The following ST3GAL3 variants were observed in gnomAD, a reference collection of about 807,000 sequenced individuals.
ST3GAL3 encodes the protein CMP-N-acetylneuraminate-beta-1,4-galactoside alpha-2,3-sialyltransferase.
A neutral mutation model predicts 50.1 loss-of-function variants in ST3GAL3; 21 were observed. That is an observed-to-expected ratio of 0.42 (90% confidence interval 0.30 to 0.60). The LOEUF is 0.60. ST3GAL3 is among the 20% of genes least tolerant of loss of function. The pLI, the probability that ST3GAL3 is intolerant of heterozygous loss-of-function variation, is 0.19. For synonymous variants in ST3GAL3, 183 were observed against 190.0 expected, an observed-to-expected ratio of 0.96 and a Z score of 0.30; for missense variants, 353 against 489.4, an observed-to-expected ratio of 0.72 and a Z score of 2.63.
chr1:43,715,976 ACC>A, intron 1 of ST3GAL3, among the ~76,000 whole-genome samples: 1 of 152,182 alleles, frequency 6.6e-6, no homozygotes, highest in Non-Finnish European at 1.5e-5. Flanking sequence ...GGTCTTGGGG[ACC>A]CTTGAGGGTC....
intron 5 of ST3GAL3, among the ~76,000 whole-genome samples, chr1:43,855,887 T>C (rs1460423473): frequency 6.6e-6 from 1 of 151,914 alleles, no homozygotes; most frequent in African/African-American, 2.4e-5. Flanking sequence ...CATAAACAGG[T>C]ATACTAACGA....
intron 11 of ST3GAL3, 150 bp downstream of exon 11, chr1:43,921,078 G>A (rs2082950308): frequency 2.2e-6 from 2 of 919,226 alleles, no homozygotes; most frequent in South Asian, 1.6e-5. Context: ...CCTCTCCACA[G>A]CCTCCCACTG....
chr1:43,832,939 T>C (rs921651434), intron 4 of ST3GAL3, among the ~76,000 whole-genome samples: 4 of 152,176 alleles, frequency 2.6e-5, no homozygotes, highest in African/African-American at 9.7e-5. Flanking sequence ...CATGTCCCCC[T>C]AGCATGGTAA....
In ST3GAL3 at chr1:43,748,888, A is replaced by G. The variant is rs112102009; in HGVS notation, c.118+12508A>G. 5.3e-3 allele frequency among the ~76,000 whole-genome samples: 806 copies of G among 152,202 alleles called. 16 individuals are homozygous for G. Among genetic ancestry groups the G allele is most frequent in the African/African-American group, 0.018 (750 of 41,540 alleles). On this transcript the variant is annotated intron_variant, in intron 2 of 11. Transcript: ENST00000347631. ...TTCAGCAGGCTTAAAAAAAGAAATCAATAGCTGATTCTAAAATTTATATGA... is the reference window on the plus strand; with the variant it reads ...TTCAGCAGGCTTAAAAAAAGAAATCGATAGCTGATTCTAAAATTTATATGA...
chr1:43,849,658 A>C (rs1156410158), intron 5 of ST3GAL3, among the ~76,000 whole-genome samples: 2 of 152,178 alleles, frequency 1.3e-5, no homozygotes, highest in African/African-American at 4.8e-5. Context: ...AGCCTGGTTG[A>C]TTCTCACACC....
At chr1:43,796,510 C>T (rs1445484186) in intron 3 of ST3GAL3, among the ~76,000 whole-genome samples, 8 of 152,196 alleles carry the variant, frequency 5.3e-5, no homozygotes, top group Admixed American at 5.2e-4. Flanking sequence ...ACTGGATGCA[C>T]ACACAGAGGA....
chr1:43,829,015 G>A (rs541786198), intron 4 of ST3GAL3, among the ~76,000 whole-genome samples: 1 of 152,140 alleles, frequency 6.6e-6, no homozygotes, highest in South Asian at 2.1e-4. Flanking sequence ...GCATCAAGAT[G>A]TCCTTTAGTA....
chr1:43,818,840 G>A (rs531140060), intron 4 of ST3GAL3, among the ~76,000 whole-genome samples: 1 of 150,900 alleles, frequency 6.6e-6, no homozygotes, highest in Non-Finnish European at 1.5e-5. Flanking sequence ...GGGGTTAGCA[G>A]CAGATTAGAT....
chr1:43,917,620 TATTATATATAATATATA>T (rs1190314320), intron 9 of ST3GAL3, among the ~76,000 whole-genome samples: 4 of 74,646 alleles, frequency 5.4e-5, no homozygotes, highest in African/African-American at 2.2e-4. Flanking sequence ...TTATATATTA[TATTATATATAATATATA>T]ATATAATATA....
In ST3GAL3 at chr1:43,791,560, C is replaced by T. The variant is rs537715954; in HGVS notation, c.119-542C>T. 4.6e-5 allele frequency among the ~76,000 whole-genome samples: 7 copies of T among 152,320 alleles called. No individual in the cohort carries two copies. In the South Asian group the frequency reaches 1.4e-3, roughly 32 times the overall value. On this transcript the variant is annotated intron_variant, in intron 2 of 11. Coordinates refer to ENST00000347631, the MANE Select transcript of ST3GAL3 (RefSeq NM_006279.5). ...TGTTTGCGTAGGTACTCATGGCATG[C>T]ATTTTGTGCACTAACATTTCCCCAA...
At chr1:43,873,517 G>A (rs2073443543) in intron 5 of ST3GAL3, among the ~76,000 whole-genome samples, 1 of 152,138 alleles carries the variant, frequency 6.6e-6, no homozygotes, top group Non-Finnish European at 1.5e-5. Flanking sequence ...AGGTGTGGTG[G>A]TTCACACCTG....
chr1:43,898,645 A>C (rs998766069), intron 7 of ST3GAL3, among the ~76,000 whole-genome samples: 1 of 152,174 alleles, frequency 6.6e-6, no homozygotes. Flanking sequence ...AGGCAGTGAC[A>C]GCTCCCAAAC....
At chr1:43,804,132 T>C (rs998436610) in intron 3 of ST3GAL3, among the ~76,000 whole-genome samples, 9 of 152,204 alleles carry the variant, frequency 5.9e-5, no homozygotes, top group African/African-American at 2.2e-4. Context: ...AGACCCAGAC[T>C]TTCATGCCAC....
chr1:43,929,236 C>T (rs997075088), intron 11 of ST3GAL3, among the ~76,000 whole-genome samples: 2 of 152,114 alleles, frequency 1.3e-5, no homozygotes, highest in African/African-American at 4.8e-5. Context: ...ACAATGTATA[C>T]ATCTATCAAA....
At chr1:43,799,210 C>T (rs2059047013) in intron 3 of ST3GAL3, among the ~76,000 whole-genome samples, 1 of 152,122 alleles carries the variant, frequency 6.6e-6, no homozygotes, top group Non-Finnish European at 1.5e-5. Flanking sequence ...TCAAATGGTT[C>T]TTACTTCATT....
At chr1:43,927,431 A>T (rs1428154478) in intron 11 of ST3GAL3, among the ~76,000 whole-genome samples, 1 of 152,232 alleles carries the variant, frequency 6.6e-6, no homozygotes, top group African/African-American at 2.4e-5. Flanking sequence ...TAATTCCTTA[A>T]TATCATCAAA....
chr1:43,774,218 A>G (rs1237189757), intron 2 of ST3GAL3, among the ~76,000 whole-genome samples: 1 of 152,242 alleles, frequency 6.6e-6, no homozygotes, highest in African/African-American at 2.4e-5. Flanking sequence ...ATTCTTATAT[A>G]TAATAAATCC....
chr1:43,905,241 CCCT>C (rs1480608233), intron 9 of ST3GAL3, among the ~76,000 whole-genome samples: 7 of 113,624 alleles, frequency 6.2e-5, no homozygotes, highest in African/African-American at 1.0e-4. Flanking sequence ...CTCTTCCTCC[CCCT>C]CCTCCTCCTG....
intron 5 of ST3GAL3, chr1:43,840,899 G>A (rs2065259698): frequency 6.6e-6 from 1 of 152,230 alleles, no homozygotes; most frequent in Non-Finnish European, 1.5e-5. Context: ...GAGATACAAT[G>A]GGGGTATAGG....
Sources: allele counts gnomAD v4.1 joint callset (sites outside exome capture counted in the v4.1 genomes callset), GRCh38; gene constraint gnomAD v4.1.1; transcripts MANE v1.5; gene names NCBI Gene and HGNC (gene_info 2026-07-23, HGNC 2026-07-21).